Variants in MORC4 observed in about 807,000 individuals in gnomAD.
MORC4 encodes MORC family CW-type zinc finger 4, also known as MORC family CW-type zinc finger protein 4.
In MORC4, 22 loss-of-function variants were observed where a neutral mutation model predicts 65.5. The ratio of observed to expected loss-of-function variants is 0.34; its 90% CI spans 0.24 to 0.48. The LOEUF is 0.48. MORC4 is among the 20% of genes least tolerant of loss of function. The probability of loss-of-function intolerance (pLI) is 0.99; values close to 1 mark genes in which losing one functional copy is unlikely to be tolerated. For synonymous variants in MORC4, 267 were observed against 255.8 expected (o/e 1.04, Z -0.42); for missense variants, 624 against 703.0 (o/e 0.89, Z 1.27).
At chrX:106,956,117 G>A (rs913484682) in intron 13 of MORC4, among the ~76,000 whole-genome samples, 2 of 111,365 alleles carry the variant, frequency 1.8e-5, no homozygotes, top group Non-Finnish European at 3.8e-5. Flanking sequence ...AAGGAGGAAG[G>A]GATCACCCCT....
Position 106,942,787 on chromosome X carries a change from T to A in MORC4, c.2104A>T (p.Arg702Ter), listed in dbSNP as rs1933725120. The change falls in exon 15 of 17, where the codon AGA becomes TGA. Residue 702 changes from arginine (R) to a stop codon, truncating the protein, a stop_gained. Coordinates refer to ENST00000355610, the MANE Select transcript of MORC4 (RefSeq NM_024657.5). LOFTEE classifies it high-confidence loss of function. ...VAVVGVAKGVRDSGAPIQLIP... is the reference protein window; with the variant it reads ...VAVVGVAKGV ...AGCTGAATGGGAGCTCCTGAATCTC[T>A]AACACCTTTGGCAACACCCACAACA... is the stretch of plus-strand genomic sequence containing the variant. 1 of 1,209,957 alleles carries A rather than the reference T, an allele frequency of 8.3e-7. No homozygotes were observed. The highest frequency in any genetic ancestry group is 2.2e-5 in the Admixed American group (1 of 45,691).
chrX:106,973,358 T>A lies in MORC4; in HGVS notation c.1157+3226A>T, dbSNP rs377525946. 3.6e-5 allele frequency among the ~76,000 whole-genome samples: 4 copies of A among 112,131 alleles called. No individual in the cohort carries two copies. The East Asian group carries it at 8.4e-4, about 24-fold the overall frequency. On this transcript the variant is annotated intron_variant, in intron 9 of 16. Transcript: ENST00000355610. The stretch of plus-strand genomic sequence containing the variant: ...AGTTTTGCCCTAAGATGTGCCATAC[T>A]CAGAGTATTGCCCTTATGTGATTTA...
At chrX:106,956,281 C>T (rs1245270333) in intron 13 of MORC4, among the ~76,000 whole-genome samples, 199 bp downstream of exon 13, 1 of 112,111 alleles carries the variant, frequency 8.9e-6, no homozygotes, top group African/African-American at 3.2e-5. Context: ...ATAAACGATT[C>T]GACTCTTCTA....
At position 106,958,419 on chromosome X, in the gene MORC4, T is replaced by C; in HGVS notation, c.1302A>G (p.Lys434=). 8.3e-7 allele frequency: 1 copy of C among 1,206,325 alleles called. No homozygotes were observed. Among genetic ancestry groups the C allele is most frequent in the Non-Finnish European group, 1.1e-6 (1 of 891,089 alleles). The change falls in exon 11 of 17, where the codon AAA becomes AAG. Residue 434 remains lysine, a synonymous_variant. Coordinates refer to ENST00000355610, the MANE Select transcript of MORC4 (RefSeq NM_024657.5). ...CAATCTTCCCAGGAAGCTTTCTCCA[T>C]TTAAGACACTCATCACACTGAACCC... The part of the protein sequence containing the change: ...QTWVQCDECL[K]WRKLPGKIDP...
Position 106,943,048 on chromosome X carries a change from A to G in MORC4, c.1843T>C (p.Ser615Pro). The G allele has an allele frequency of 8.3e-7, 1 of 1,211,291 alleles. No individual in the cohort carries two copies. The highest frequency in any genetic ancestry group is 1.1e-6 in the Non-Finnish European group (1 of 895,346). ...YPEGENSHDK[S>P]SSERSTPPYL... ...GGTGGTGTACTTCTCTCAGAACTCG[A>G]TTTATCATGGCTGTTCTCCCCTTCT... The change falls in exon 15 of 17, where the codon TCG becomes CCG. Residue 615 changes from serine to proline, a missense_variant. Coordinates refer to ENST00000355610, the MANE Select transcript of MORC4 (RefSeq NM_024657.5).
At chrX:106,992,120 A>G (rs925138608) in intron 3 of MORC4, among the ~76,000 whole-genome samples, 1 of 112,200 alleles carries the variant, frequency 8.9e-6, no homozygotes, top group African/African-American at 3.2e-5. Flanking sequence ...TTTCACTTTT[A>G]GAGGTTTTCC....
chrX:106,999,659 C>G lies in MORC4; in HGVS notation c.175+18G>C, dbSNP rs1373447290. ...ACTGCCTCGGGCGAACACGGCCGGG[C>G]CCGCCCTCGCCACTCACCTAGCAGC... On this transcript the variant is annotated intron_variant, in intron 2 of 16. Coordinates refer to ENST00000355610, the MANE Select transcript of MORC4 (RefSeq NM_024657.5). 8.9e-7 allele frequency: 1 copy of G among 1,123,035 alleles called. No individual in the cohort carries two copies. Among genetic ancestry groups the G allele is most frequent in the Non-Finnish European group, 1.2e-6 (1 of 852,120 alleles). The allele number at this position is 1,123,035 out of a possible 1,213,427, so 92.6% of individuals were successfully genotyped here. A position where few individuals can be genotyped will look rare whatever the true frequency, so the allele number is the denominator to read the frequency against.
rs1056340814 is a variant in MORC4, at chrX:106,941,988, C to A, written c.2610G>T (p.Leu870=). 8.3e-7 allele frequency: 1 copy of A among 1,211,146 alleles called. No homozygotes were observed. Among genetic ancestry groups the A allele is most frequent in the Admixed American group, 2.2e-5 (1 of 46,003 alleles). ...TCCGGTAGGAGACCTGAGCCTTCTG[C>A]AGCATTTCCAGGTGTGTCTCTGTTT... ...LKETETHLEM[L]QKAQVSYRTP... The change falls in exon 16 of 17, where the codon CTG becomes CTT. Residue 870 remains leucine, a synonymous_variant. Transcript: ENST00000355610.
Position 106,985,897 on chromosome X carries a change from T to C in MORC4, c.526+86A>G, listed in dbSNP as rs898819748. The stretch of plus-strand genomic sequence containing the variant: ...ATACCTCTTTTAAAACTTCTGACAG[T>C]TGGATTTGACCTGAAGTTGGAATCT... On this transcript the variant is annotated intron_variant, in intron 4 of 16. Transcript: ENST00000355610. 12 of 746,216 alleles carry C rather than the reference T, an allele frequency of 1.6e-5. No homozygotes were observed. The African/African-American group carries it at 1.9e-4, about 12-fold the overall frequency. 61.5% of individuals were successfully genotyped at this position (746,216 alleles called of 1,213,427 possible). A position where few individuals can be genotyped will look rare whatever the true frequency, so the allele number is the denominator to read the frequency against.
chrX:106,947,230 A>C (rs915833997), intron 14 of MORC4, among the ~76,000 whole-genome samples: 19 of 109,960 alleles, frequency 1.7e-4, no homozygotes, highest in African/African-American at 6.0e-4. Context: ...AATATTTTTA[A>C]ATTCACTGAG....
intron 13 of MORC4, among the ~76,000 whole-genome samples, chrX:106,955,443 T>C (rs1934085314): frequency 9.1e-6 from 1 of 109,897 alleles, no homozygotes; most frequent in Non-Finnish European, 1.9e-5. Flanking sequence ...GGTAGGGTGG[T>C]GGGAAAATGC....
Position 106,994,242 on chromosome X carries a change from T to C in MORC4, c.176-880A>G, listed in dbSNP as rs993990472. On this transcript the variant is annotated intron_variant, in intron 2 of 16. Transcript: ENST00000355610. ...CATGTTTTTGCCACAGGCACCAGTT[T>C]ACATAATTGTCAATCACTGACAAAT... is the stretch of plus-strand genomic sequence containing the variant. Among the ~76,000 whole-genome samples, 66 of 112,209 alleles carry C rather than the reference T, an allele frequency of 5.9e-4. No homozygotes were observed. In the Admixed American group the frequency reaches 6.1e-3, roughly 10 times the overall value.
intron 5 of MORC4, among the ~76,000 whole-genome samples, chrX:106,984,029 G>C (rs375706073): frequency 8.9e-6 from 1 of 111,746 alleles, no homozygotes; most frequent in East Asian, 2.8e-4. Flanking sequence ...AGGCACGGTG[G>C]CTCATGCCAG....
At chrX:106,953,895 G>A (rs1934035833) in intron 14 of MORC4, among the ~76,000 whole-genome samples, 1 of 112,118 alleles carries the variant, frequency 8.9e-6, no homozygotes, top group African/African-American at 3.2e-5. Context: ...AGGCCAAGGC[G>A]GGTGAATCAC....
At chrX:106,965,302 CATG>C (rs1433894083) in intron 9 of MORC4, among the ~76,000 whole-genome samples, 3 of 111,340 alleles carry the variant, frequency 2.7e-5, no homozygotes, top group Non-Finnish European at 3.8e-5. Context: ...ATGTAATTCC[CATG>C]ATAAGCACAA....
intron 10 of MORC4, among the ~76,000 whole-genome samples, chrX:106,961,380 G>A (rs758032364): frequency 2.6e-4 from 29 of 112,069 alleles, no homozygotes; most frequent in East Asian, 1.1e-3. Flanking sequence ...GATCCAGACC[G>A]TAAATGTGTT....
chrX:106,963,602 C>A (rs1602487388), intron 9 of MORC4, among the ~76,000 whole-genome samples: 1 of 111,530 alleles, frequency 9.0e-6, no homozygotes, highest in Admixed American at 9.5e-5. Flanking sequence ...GTTGAACCTC[C>A]CCCATTGTTT....
intron 6 of MORC4, 73 bp downstream of exon 6, chrX:106,981,272 A>G: frequency 1.9e-6 from 2 of 1,040,452 alleles, no homozygotes; most frequent in Non-Finnish European, 2.6e-6. Context: ...AACTAAAAGA[A>G]GATCTTGTTC....
intron 9 of MORC4, among the ~76,000 whole-genome samples, chrX:106,973,356 A>T (rs1030551580): frequency 2.7e-5 from 3 of 112,030 alleles, no homozygotes; most frequent in African/African-American, 9.7e-5. Flanking sequence ...GATGTGCCAT[A>T]CTCAGAGTAT....
Sources: gnomAD v4.1 joint callset for allele counts (sites outside exome capture counted in the v4.1 genomes callset) on GRCh38, gnomAD v4.1.1 for gene constraint, MANE v1.5 for transcripts, NCBI Gene and HGNC (gene_info 2026-07-23, HGNC 2026-07-21) for gene names.